Variants in CTBP2 observed in about 807,000 individuals in gnomAD.
CTBP2 encodes C-terminal binding protein 2.
In CTBP2, 30 loss-of-function variants were observed where a neutral mutation model predicts 80.3. The observed-to-expected ratio is 0.37, with a 90% confidence interval of 0.28 to 0.51. CTBP2 has a LOEUF of 0.51. Ranked by LOEUF, CTBP2 falls within the 20% of genes least tolerant of loss-of-function variation. CTBP2 has a pLI of 0.93. For synonymous variants in CTBP2, 594 were observed against 587.4 expected, an observed-to-expected ratio of 1.01 and a Z score of -0.16; for missense variants, 1,212 against 1,375.3, an observed-to-expected ratio of 0.88 and a Z score of 1.88.
intron 2 of CTBP2, among the ~76,000 whole-genome samples, chr10:125,042,133 G>A (rs1244437274): frequency 6.6e-6 from 1 of 152,166 alleles, no homozygotes; most frequent in African/African-American, 2.4e-5. Flanking sequence ...ATTGACTTGT[G>A]TAGCCTCAAT....
chr10:125,093,361 G>A (rs913608723), intron 2 of CTBP2, among the ~76,000 whole-genome samples: 4 of 152,260 alleles, frequency 2.6e-5, no homozygotes, highest in Non-Finnish European at 4.4e-5. Context: ...TTCTAATCCT[G>A]TGTGCTGTTC....
chr10:125,088,233 G>A (rs980682560), intron 2 of CTBP2: 1 of 152,256 alleles, frequency 6.6e-6, no homozygotes, highest in Non-Finnish European at 1.5e-5. Flanking sequence ...AGAAGCTCAC[G>A]GAACAGCACT....
intron 2 of CTBP2, among the ~76,000 whole-genome samples, chr10:125,087,295 C>T (rs1207672024): frequency 6.6e-6 from 1 of 152,050 alleles, no homozygotes; most frequent in Non-Finnish European, 1.5e-5. Context: ...TGGTCTTGAA[C>T]TCCTGACCTC....
rs1953154712 is a variant in CTBP2 at position 124,994,331 on chromosome 10, G to A, written c.2400+138C>T. 3 of 865,678 alleles carry A rather than the reference G, an allele frequency of 3.5e-6. No homozygotes were observed. The African/African-American group carries it at 5.0e-5, about 14-fold the overall frequency. 53.6% of individuals were successfully genotyped at this position (865,678 alleles called of 1,614,324 possible). A position where few individuals can be genotyped will look rare whatever the true frequency, so the allele number is the denominator to read the frequency against. ...AAGGGGCTTCACGTGGCTTGTCACT[G>A]GTTTGTTGCAGGGCCTCTTCCCTGC... On this transcript the variant is annotated intron_variant, in intron 5 of 8. Transcript: ENST00000309035.
intron 1 of CTBP2, among the ~76,000 whole-genome samples, chr10:125,143,455 G>A (rs983507991): frequency 1.3e-5 from 2 of 152,190 alleles, no homozygotes; most frequent in Non-Finnish European, 2.9e-5. Flanking sequence ...TCCAGCCTGG[G>A]CTACAGAGTG....
At chr10:125,138,116 CAT>C (rs1236535633) in intron 1 of CTBP2, 1 of 152,252 alleles carries the variant, frequency 6.6e-6, no homozygotes, top group Non-Finnish European at 1.5e-5. Flanking sequence ...TAGACACACA[CAT>C]GAGGAAACAA....
chr10:125,024,338 T>C (rs1957339912), intron 1 of CTBP2, among the ~76,000 whole-genome samples: 1 of 152,234 alleles, frequency 6.6e-6, no homozygotes. Flanking sequence ...ATTTGCTGGC[T>C]GGCTTCTGCC....
intron 1 of CTBP2, among the ~76,000 whole-genome samples, chr10:125,137,313 G>A (rs1857123890): frequency 6.6e-6 from 1 of 152,180 alleles, no homozygotes; most frequent in Non-Finnish European, 1.5e-5. Flanking sequence ...AGAGTCTCGG[G>A]AACCCCTCAG....
At chr10:125,118,859 C>T (rs149485510) in intron 1 of CTBP2, among the ~76,000 whole-genome samples, 1,685 of 152,320 alleles carry the variant, frequency 0.011, 30 homozygotes, top group African/African-American at 0.038. Context: ...TGAAGGTATC[C>T]GTCTCTAGTC....
chr10:125,003,096 G>A lies in CTBP2; in HGVS notation c.1842C>T (p.Asn614=), dbSNP rs191421803. Residue 614 remains asparagine, a synonymous_variant, in exon 3 of 9, where the codon AAC becomes AAT. Coordinates refer to ENST00000309035, the MANE Select transcript of CTBP2 (RefSeq NM_022802.3). Reference sequence around the variant, plus strand: ...GGTACATCATGGCGCCCACGGCTTCGTTTAGAACCTGCGTGGGAACAGAGC... The same window carrying A: ...GGTACATCATGGCGCCCACGGCTTCATTTAGAACCTGCGTGGGAACAGAGC... 37 of 1,613,970 alleles carry A rather than the reference G, an allele frequency of 2.3e-5. No individual in the cohort carries two copies. Among genetic ancestry groups the A allele is most frequent in the Admixed American group, 5.0e-5 (3 of 60,032 alleles).
intron 2 of CTBP2, among the ~76,000 whole-genome samples, chr10:125,080,376 C>T (rs188123272): frequency 7.1e-4 from 108 of 152,252 alleles, no homozygotes; most frequent in African/African-American, 2.3e-3. Context: ...GCACCCAGCC[C>T]AGGGCAGGTG....
At chr10:125,131,975 TG>T (rs1476830086) in intron 1 of CTBP2, among the ~76,000 whole-genome samples, 2 of 152,220 alleles carry the variant, frequency 1.3e-5, no homozygotes, top group African/African-American at 4.8e-5. Context: ...TGGTGGTCTC[TG>T]CCATACTCAC....
chr10:125,086,060 C>A (rs1343548940), intron 2 of CTBP2, among the ~76,000 whole-genome samples: 2 of 152,236 alleles, frequency 1.3e-5, no homozygotes, highest in East Asian at 3.8e-4. Context: ...TCCCTGTGTT[C>A]TCACCAAAGG....
At position 124,989,725 on chromosome 10, in the gene CTBP2, T is replaced by A. The variant is rs747172361; in HGVS notation, c.2778-27A>T. ...TAAGGAACACACAGAAATAGGGCCT[T>A]GTAAGTTCAGGGCAGAGTTGCCAAG... On this transcript the variant is annotated intron_variant, in intron 8 of 8. Transcript: ENST00000309035. The A allele has an allele frequency of 4.6e-6, 7 of 1,533,682 alleles. No homozygotes were observed. In the Admixed American group the frequency reaches 1.4e-4, roughly 32 times the overall value.
chr10:125,039,292 C>G (rs1959176647), intron 2 of CTBP2, 137 bp from the exon 3 acceptor site: 5 of 437,772 alleles, frequency 1.1e-5, no homozygotes, highest in Non-Finnish European at 2.0e-5. Context: ...TTTCCCAAAG[C>G]ACTGGGAATG....
chr10:125,137,622 A>G (rs538040288), intron 1 of CTBP2, among the ~76,000 whole-genome samples: 1 of 152,360 alleles, frequency 6.6e-6, no homozygotes, highest in Admixed American at 6.5e-5. Flanking sequence ...TGTGTTTATA[A>G]TAAAATAGAA....
At chr10:125,130,301 G>A (rs1353626026) in intron 1 of CTBP2, among the ~76,000 whole-genome samples, 1 of 152,044 alleles carries the variant, frequency 6.6e-6, no homozygotes, top group Non-Finnish European at 1.5e-5. Flanking sequence ...ACGCACCTCT[G>A]CCACCCAAAA....
At chr10:125,134,164 C>A (rs1856609027) in intron 1 of CTBP2, among the ~76,000 whole-genome samples, 4 of 152,198 alleles carry the variant, frequency 2.6e-5, no homozygotes, top group Admixed American at 2.6e-4. Context: ...GCCCCAACGA[C>A]CAGATTTAAC....
intron 2 of CTBP2, among the ~76,000 whole-genome samples, chr10:125,041,512 C>T (rs79522904): frequency 6.9e-5 from 8 of 115,588 alleles, no homozygotes; most frequent in Admixed American, 6.1e-4. Context: ...CCACCCCCCC[C>T]CCCCCCACCC....
Sources: gnomAD v4.1 joint callset for allele counts (sites outside exome capture counted in the v4.1 genomes callset) on GRCh38, gnomAD v4.1.1 for gene constraint, MANE v1.5 for transcripts, NCBI Gene and HGNC (gene_info 2026-07-23, HGNC 2026-07-21) for gene names.